SPATA6L: variants seen among roughly 807,000 people sequenced by gnomAD.
The protein encoded by SPATA6L is spermatogenesis associated 6 like.
A neutral mutation model predicts 49.2 loss-of-function variants in SPATA6L; 68 were observed. That is an observed-to-expected ratio of 1.38 (90% confidence interval 1.14 to 1.69). SPATA6L has a LOEUF of 1.69. Ranked by LOEUF, SPATA6L falls within the 40% of genes most tolerant of loss-of-function variation. The pLI is 0.00. For missense variants in SPATA6L, 668 were observed against 464.3 expected (o/e 1.44, Z -4.03); for synonymous variants, 198 against 165.7 (o/e 1.19, Z -1.50).
chr9:4,614,058 T>A (rs1411561238), intron 9 of SPATA6L, among the ~76,000 whole-genome samples: 1 of 152,240 alleles, frequency 6.6e-6, no homozygotes, highest in Non-Finnish European at 1.5e-5. Flanking sequence ...CAATTTATTT[T>A]ACATTTGAAG....
intron 1 of SPATA6L, chr9:4,663,056 C>A: frequency 6.2e-7 from 1 of 1,613,988 alleles, no homozygotes; most frequent in Non-Finnish European, 8.5e-7. Flanking sequence ...TCATCCTGAA[C>A]CACCTGGTGC....
At chr9:4,651,201 T>G (rs1326829019) in intron 3 of SPATA6L, among the ~76,000 whole-genome samples, 2 of 151,954 alleles carry the variant, frequency 1.3e-5, no homozygotes, top group Non-Finnish European at 2.9e-5. Context: ...GGATGGGGGC[T>G]CCCATAAAAA....
At chr9:4,646,422 G>C in intron 3 of SPATA6L, 2 of 1,215,424 alleles carry the variant, frequency 1.6e-6, no homozygotes, top group South Asian at 3.3e-5. Flanking sequence ...TCCCCATTTT[G>C]ACAGGCCAAA....
At chr9:4,666,113 G>C in intron 1 of SPATA6L, 99 bp downstream of exon 1, 2 of 1,024,346 alleles carry the variant, frequency 2.0e-6, no homozygotes, top group Non-Finnish European at 3.1e-6. Context: ...TGATGTGTTT[G>C]TGGTAAGTGG....
chr9:4,601,753 G>A (rs911347005), intron 11 of SPATA6L, among the ~76,000 whole-genome samples: 2 of 152,188 alleles, frequency 1.3e-5, no homozygotes, highest in Non-Finnish European at 2.9e-5. Flanking sequence ...CACGTAGTGG[G>A]AGCCACTGGG....
chr9:4,656,377 T>G (rs1312378274), intron 2 of SPATA6L, among the ~76,000 whole-genome samples: 1 of 151,150 alleles, frequency 6.6e-6, no homozygotes, highest in African/African-American at 2.4e-5. Flanking sequence ...AGACAGAGGT[T>G]GCAGGGAGCC....
At chr9:4,651,122 C>T (rs1265084324) in intron 3 of SPATA6L, among the ~76,000 whole-genome samples, 2 of 152,132 alleles carry the variant, frequency 1.3e-5, no homozygotes, top group African/African-American at 2.4e-5. Context: ...TTCACCTCAG[C>T]CTCCTGAGAA....
chr9:4,591,730 C>A (rs1821911845), intron 13 of SPATA6L, among the ~76,000 whole-genome samples: 1 of 152,180 alleles, frequency 6.6e-6, no homozygotes. Flanking sequence ...GAAAAACATG[C>A]CACTGCAGTT....
chr9:4,605,269 G>C (rs1381465936), intron 10 of SPATA6L, 78 bp downstream of exon 10: 3 of 1,086,586 alleles, frequency 2.8e-6, no homozygotes, highest in African/African-American at 3.1e-5. Context: ...ATTAATGTCT[G>C]TCTCCCCGAC....
intron 9 of SPATA6L, 42 bp from the exon 10 acceptor site, chr9:4,605,482 TA>T: frequency 1.4e-6 from 2 of 1,406,592 alleles, no homozygotes; most frequent in Middle Eastern, 1.8e-4. Context: ...AAGCAGCTAC[TA>T]AAAAGGACAC....
At chr9:4,655,932 T>C (rs377002632) in intron 3 of SPATA6L, 109 bp downstream of exon 3, 2 of 853,888 alleles carry the variant, frequency 2.3e-6, no homozygotes, top group East Asian at 2.7e-5. Flanking sequence ...TTGAAATAAA[T>C]ATTCATCAAA....
chr9:4,611,665 G>A (rs1448167749), intron 9 of SPATA6L, among the ~76,000 whole-genome samples: 1 of 117,826 alleles, frequency 8.5e-6, no homozygotes, highest in African/African-American at 3.2e-5. Flanking sequence ...GGGGGAGGGG[G>A]GAGGGATAGC....
intron 3 of SPATA6L, among the ~76,000 whole-genome samples, chr9:4,649,991 T>C (rs1379163401): frequency 6.6e-6 from 1 of 152,198 alleles, no homozygotes; most frequent in African/African-American, 2.4e-5. Flanking sequence ...CAGGTAGAAA[T>C]ATAAATGCAG....
intron 9 of SPATA6L, among the ~76,000 whole-genome samples, chr9:4,613,881 C>A (rs1827357070): frequency 6.6e-6 from 1 of 152,128 alleles, no homozygotes; most frequent in Non-Finnish European, 1.5e-5. Context: ...CCACGCTTGG[C>A]CCTTCTCTAA....
chr9:4,656,790 GA>G (rs1281857277), intron 2 of SPATA6L, among the ~76,000 whole-genome samples: 1 of 152,148 alleles, frequency 6.6e-6, no homozygotes, highest in Non-Finnish European at 1.5e-5. Flanking sequence ...TGACTACCTA[GA>G]AAAACATTCT....
At chr9:4,615,770 C>T (rs922684471) in intron 9 of SPATA6L, among the ~76,000 whole-genome samples, 1 of 152,060 alleles carries the variant, frequency 6.6e-6, no homozygotes, top group Non-Finnish European at 1.5e-5. Context: ...GTGTCCATTG[C>T]CCCCAACAGT....
intron 9 of SPATA6L, among the ~76,000 whole-genome samples, chr9:4,616,910 T>G (rs552310134): frequency 1.3e-5 from 2 of 152,220 alleles, no homozygotes; most frequent in African/African-American, 2.4e-5. Context: ...AAAATCTATG[T>G]TGTATTATTT....
intron 3 of SPATA6L, among the ~76,000 whole-genome samples, chr9:4,643,984 G>A (rs1587367739): frequency 6.6e-6 from 1 of 151,476 alleles, no homozygotes; most frequent in South Asian, 2.1e-4. Flanking sequence ...TCCAGCCTGG[G>A]CAACAGAGCT....
downstream of SPATA6L, among the ~76,000 whole-genome samples, chr9:4,597,319 TACAC>T (rs57570250): frequency 0.038 from 5,414 of 143,682 alleles, 152 homozygotes; most frequent in African/African-American, 0.064. Context: ...GAAAACAAAA[TACAC>T]ACACACACAC....
Sources: gnomAD v4.1 joint callset for allele counts (sites outside exome capture counted in the v4.1 genomes callset) on GRCh38, gnomAD v4.1.1 for gene constraint, MANE v1.5 for transcripts, NCBI Gene and HGNC (gene_info 2026-07-23, HGNC 2026-07-21) for gene names.